The following KCNH7 variants were observed in gnomAD, a reference collection of about 807,000 sequenced individuals.
The protein encoded by KCNH7 is potassium voltage-gated channel subfamily H member 7.
In KCNH7, 49 loss-of-function variants were observed where a neutral mutation model predicts 120.8. The ratio of observed to expected loss-of-function variants is 0.41; its 90% CI spans 0.32 to 0.51. The LOEUF is 0.51. Ranked by LOEUF, KCNH7 falls within the 20% of genes least tolerant of loss-of-function variation. KCNH7 has a pLI of 0.38. For synonymous variants in KCNH7, 547 were observed against 516.1 expected (o/e 1.06, Z -0.81); for missense variants, 1,097 against 1,446.6 (o/e 0.76, Z 3.92).
intron 6 of KCNH7, among the ~76,000 whole-genome samples, chr2:162,499,160 T>C (rs964792726): frequency 2.0e-5 from 3 of 152,206 alleles, no homozygotes; most frequent in Admixed American, 6.6e-5. Context: ...ATCCTAAAAA[T>C]TGGCACAATA....
intron 2 of KCNH7, among the ~76,000 whole-genome samples, chr2:162,678,381 CT>C (rs1357963333): frequency 3.3e-5 from 5 of 151,366 alleles, no homozygotes; most frequent in African/African-American, 1.2e-4. Context: ...TATCCCTGAA[CT>C]AGATGGAGCT....
chr2:162,829,939 G>C (rs1363314413), intron 2 of KCNH7, among the ~76,000 whole-genome samples: 2 of 148,868 alleles, frequency 1.3e-5, no homozygotes, highest in African/African-American at 5.0e-5. Flanking sequence ...CTTCGTACTA[G>C]TTACCCTTCC....
intron 2 of KCNH7, among the ~76,000 whole-genome samples, chr2:162,712,322 T>C (rs1686957159): frequency 1.3e-5 from 2 of 152,074 alleles, no homozygotes; most frequent in African/African-American, 4.8e-5. Context: ...TGTGAAAATG[T>C]CTCCTGTTTT....
At chr2:162,770,093 C>A (rs1279231107) in intron 2 of KCNH7, among the ~76,000 whole-genome samples, 1 of 151,998 alleles carries the variant, frequency 6.6e-6, no homozygotes, top group Non-Finnish European at 1.5e-5. Flanking sequence ...GAAACTGCAG[C>A]TATTCACAGA....
At chr2:162,650,189 G>A (rs1684518440) in intron 2 of KCNH7, among the ~76,000 whole-genome samples, 1 of 152,082 alleles carries the variant, frequency 6.6e-6, no homozygotes, top group Admixed American at 6.6e-5. Context: ...TAATTTGGAA[G>A]GTCTTTAGAG....
intron 2 of KCNH7, among the ~76,000 whole-genome samples, chr2:162,620,031 AC>A (rs1283877232): frequency 2.0e-5 from 3 of 151,670 alleles, no homozygotes; most frequent in African/African-American, 7.3e-5. Context: ...TCTCAGACCC[AC>A]TATACACAGT....
At chr2:162,663,999 T>C (rs1258283441) in intron 2 of KCNH7, among the ~76,000 whole-genome samples, 1 of 152,126 alleles carries the variant, frequency 6.6e-6, no homozygotes, top group African/African-American at 2.4e-5. Flanking sequence ...CAACTCAACT[T>C]TCTTTCCAAG....
intron 2 of KCNH7, among the ~76,000 whole-genome samples, chr2:162,729,280 C>T (rs1186699227): frequency 6.6e-6 from 1 of 151,894 alleles, no homozygotes; most frequent in East Asian, 1.9e-4. Context: ...ATTCTCCTGC[C>T]TCAGCCTCCT....
chr2:162,403,383 A>G (rs988304578), intron 9 of KCNH7, among the ~76,000 whole-genome samples: 2 of 151,854 alleles, frequency 1.3e-5, no homozygotes, highest in African/African-American at 4.8e-5. Flanking sequence ...CTGGCTTGTT[A>G]TATGTCCTGC....
chr2:162,834,299 T>A (rs1049063251), intron 2 of KCNH7, among the ~76,000 whole-genome samples: 1 of 152,124 alleles, frequency 6.6e-6, no homozygotes, highest in African/African-American at 2.4e-5. Flanking sequence ...TATGACTGTG[T>A]CATCACTGTT....
chr2:162,602,411 C>A (rs894810558), intron 2 of KCNH7, among the ~76,000 whole-genome samples: 3 of 152,118 alleles, frequency 2.0e-5, no homozygotes, highest in Non-Finnish European at 2.9e-5. Flanking sequence ...ATATTAAGTT[C>A]TCTCCACAGC....
intron 2 of KCNH7, among the ~76,000 whole-genome samples, chr2:162,752,353 C>T (rs1255322391): frequency 2.6e-5 from 4 of 152,106 alleles, no homozygotes; most frequent in African/African-American, 9.7e-5. Context: ...ATATCCCAAA[C>T]TGTTATTGAT....
intron 2 of KCNH7, among the ~76,000 whole-genome samples, chr2:162,753,583 A>AT (rs1308739766): frequency 4.0e-5 from 6 of 151,594 alleles, no homozygotes; most frequent in Non-Finnish European, 1.5e-5. Context: ...AATGCCTTAT[A>AT]TTTTTTTTCA....
rs759517782 is a variant in KCNH7, at chr2:162,758,475, T to C, written c.307+78062A>G. 2.4e-4 allele frequency among the ~76,000 whole-genome samples: 37 copies of C among 152,148 alleles called. 1 individual carries two copies. Among genetic ancestry groups the C allele is most frequent in the South Asian group, 4.1e-4 (2 of 4,834 alleles). On this transcript the variant is annotated intron_variant, in intron 2 of 15. Coordinates refer to ENST00000332142, the MANE Select transcript of KCNH7 (RefSeq NM_033272.4). ...GTTTATATGTACACACACATATATA[T>C]ACACACACATATTGTTTATATGTAT... is the stretch of plus-strand genomic sequence containing the variant.
At chr2:162,687,602 T>C (rs183304590) in intron 2 of KCNH7, among the ~76,000 whole-genome samples, 1 of 152,184 alleles carries the variant, frequency 6.6e-6, no homozygotes, top group East Asian at 1.9e-4. Flanking sequence ...TCAGCTATGT[T>C]GGAAATATTT....
chr2:162,613,728 A>T (rs1026539004), intron 2 of KCNH7, among the ~76,000 whole-genome samples: 2 of 152,026 alleles, frequency 1.3e-5, no homozygotes, highest in African/African-American at 4.8e-5. Context: ...CGAGACAATC[A>T]TGGATGGTAT....
At chr2:162,661,562 G>A (rs979565814) in intron 2 of KCNH7, among the ~76,000 whole-genome samples, 1 of 152,174 alleles carries the variant, frequency 6.6e-6, no homozygotes, top group South Asian at 2.1e-4. Flanking sequence ...AACCCTAAAC[G>A]TTTCCCTATA....
At chr2:162,606,199 T>C (rs947698714) in intron 2 of KCNH7, among the ~76,000 whole-genome samples, 1 of 152,108 alleles carries the variant, frequency 6.6e-6, no homozygotes, top group African/African-American at 2.4e-5. Flanking sequence ...CTGTGGCCCA[T>C]GAATTTTTTT....
In KCNH7 at chr2:162,665,234, C is replaced by T. The variant is rs538803472; in HGVS notation, c.308-128154G>A. On this transcript the variant is annotated intron_variant, in intron 2 of 15. Coordinates refer to ENST00000332142, the MANE Select transcript of KCNH7 (RefSeq NM_033272.4). ...TGAAAAAATCTTCTATCACACAAGT[C>T]ATGTCAAATTGCAATTTGTATTCTT... Among the ~76,000 whole-genome samples, 121 of 152,190 alleles carry T rather than the reference C, an allele frequency of 8.0e-4. 1 individual carries two copies. The highest frequency in any genetic ancestry group is 3.4e-3 in the Middle Eastern group (1 of 292).
Sources: gnomAD v4.1 joint callset for allele counts (sites outside exome capture counted in the v4.1 genomes callset) on GRCh38, gnomAD v4.1.1 for gene constraint, MANE v1.5 for transcripts, NCBI Gene and HGNC (gene_info 2026-07-23, HGNC 2026-07-21) for gene names.